Variants in ZNF329 observed in about 807,000 individuals in gnomAD.
The protein encoded by ZNF329 is zinc finger protein 329.
Under a neutral mutation model 26.6 loss-of-function variants are expected in ZNF329, and 15 were observed. The observed-to-expected ratio is 0.56, with a 90% confidence interval of 0.38 to 0.87. The LOEUF (loss-of-function observed/expected upper bound fraction) is 0.87. ZNF329 is among the 40% of genes least tolerant of loss of function. The pLI is 0.00. For synonymous variants in ZNF329, 239 were observed against 233.5 expected, an observed-to-expected ratio of 1.02 and a Z score of -0.21; for missense variants, 651 against 651.9, an observed-to-expected ratio of 1.00 and a Z score of 0.02.
intron 1 of ZNF329, among the ~76,000 whole-genome samples, chr19:58,144,003 C>T (rs890750935): frequency 4.0e-5 from 6 of 151,700 alleles, no homozygotes; most frequent in African/African-American, 1.5e-4. Context: ...ATTGCTGGAA[C>T]CCGGGAGGCA....
At chr19:58,149,433 T>C (rs1185964233) in intron 1 of ZNF329, among the ~76,000 whole-genome samples, 1 of 152,180 alleles carries the variant, frequency 6.6e-6, no homozygotes, top group Non-Finnish European at 1.5e-5. Context: ...CCCTTTCTGG[T>C]AACACCTATG....
upstream of ZNF329, among the ~76,000 whole-genome samples, chr19:58,151,519 T>A (rs1159534755): frequency 6.7e-6 from 1 of 149,206 alleles, no homozygotes; most frequent in African/African-American, 2.5e-5. Context: ...GAGAATCACT[T>A]GAACCTGGGA....
intron 3 of ZNF329, among the ~76,000 whole-genome samples, chr19:58,133,124 T>C (rs2074985685): frequency 6.6e-6 from 1 of 152,186 alleles, no homozygotes. Flanking sequence ...TAGATGGTCT[T>C]AAAGGCCAGC....
At chr19:58,137,522 C>G (rs1462298128) in intron 3 of ZNF329, among the ~76,000 whole-genome samples, 1 of 151,736 alleles carries the variant, frequency 6.6e-6, no homozygotes, top group African/African-American at 2.4e-5. Flanking sequence ...CCACTGCACT[C>G]TAGCCTGGGT....
chr19:58,137,587 ATT>A, intron 3 of ZNF329, among the ~76,000 whole-genome samples: 1 of 151,810 alleles, frequency 6.6e-6, no homozygotes, highest in Non-Finnish European at 1.5e-5. Context: ...AATTATGGAA[ATT>A]AAAAACAAGA....
upstream of ZNF329, among the ~76,000 whole-genome samples, chr19:58,153,271 G>A (rs1423816371): frequency 5.9e-5 from 9 of 152,122 alleles, no homozygotes; most frequent in African/African-American, 1.9e-4. Context: ...CACCACACCC[G>A]GCTAATTTTT....
chr19:58,150,778 C>G lies in ZNF329; in HGVS notation c.-234G>C, dbSNP rs1281072319. On this transcript the variant is annotated 5_prime_UTR_variant, in exon 1 of 4. Transcript: ENST00000598312. The stretch of plus-strand genomic sequence containing the variant: ...GTTGGCGGCCGGCGGCAGCCATGTT[C>G]CGGGCGATTGCGCTTGCGCGGCTGC... 1.3e-5 allele frequency: 2 copies of G among 152,720 alleles called. No individual in the cohort carries two copies. The highest frequency in any genetic ancestry group is 2.9e-5 in the Non-Finnish European group (2 of 68,074). The allele number at this position is 152,720 out of a possible 1,614,324, so 9.5% of individuals were successfully genotyped here.
rs372051699 is a variant in ZNF329, at chr19:58,128,212, T to C, written c.1292A>G (p.Gln431Arg). 1.0e-4 allele frequency: 163 copies of C among 1,588,478 alleles called. No homozygotes were observed. The highest frequency in any genetic ancestry group is 2.1e-5 in the Non-Finnish European group (25 of 1,168,230). Reference sequence around the variant, plus strand: ...GATATTCCTGAAAAGTTTCTGACACTGGTTGCAGCCATAGGGCTTCTCGCC... The same window carrying C: ...GATATTCCTGAAAAGTTTCTGACACCGGTTGCAGCCATAGGGCTTCTCGCC... ...HTGEKPYGCN[Q>R]CQKLFRNIAG... Residue 431 changes from glutamine to arginine, a missense_variant, in exon 4 of 4, where the codon CAG becomes CGG. By Grantham distance (43) the Gln-to-Arg change is conservative. Coordinates refer to ENST00000598312, the MANE Select transcript of ZNF329 (RefSeq NM_024620.4).
intron 3 of ZNF329, among the ~76,000 whole-genome samples, chr19:58,130,265 G>C (rs944647631): frequency 2.6e-5 from 4 of 151,998 alleles, no homozygotes; most frequent in African/African-American, 9.7e-5. Flanking sequence ...AGAGGTTGCA[G>C]TGAGCTGAGA....
chr19:58,140,623 G>C (rs893223437), intron 3 of ZNF329, among the ~76,000 whole-genome samples: 4 of 151,834 alleles, frequency 2.6e-5, no homozygotes, highest in Non-Finnish European at 5.9e-5. Context: ...CACCATGTTG[G>C]CCAGGATGGT....
rs956480923 is a variant in ZNF329, at chr19:58,141,114, G to A, written c.-9+1443C>T. Among the ~76,000 whole-genome samples the A allele has an allele frequency of 7.0e-4, 106 of 151,274 alleles. 2 individuals are homozygous for A. Among genetic ancestry groups the A allele is most frequent in the African/African-American group, 2.5e-3 (102 of 41,196 alleles). On this transcript the variant is annotated intron_variant, in intron 3 of 3. Transcript: ENST00000598312. ...CAAGGGATCTGCATGTCTCAGCCTC[G>A]CAAAGTGCTGGGATTACAGACGTGA...
chr19:58,147,298 G>A (rs1382454716), intron 1 of ZNF329, among the ~76,000 whole-genome samples: 2 of 150,620 alleles, frequency 1.3e-5, no homozygotes, highest in East Asian at 2.0e-4. Context: ...TGAGAAGTGA[G>A]GAGCCCCTCC....
At chr19:58,138,363 A>G (rs1446580729) in intron 3 of ZNF329, among the ~76,000 whole-genome samples, 1 of 152,230 alleles carries the variant, frequency 6.6e-6, no homozygotes, top group Admixed American at 6.5e-5. Context: ...TAATGTGAAC[A>G]TCACACCTTA....
At chr19:58,145,860 A>G (rs569252263) in intron 1 of ZNF329, among the ~76,000 whole-genome samples, 4 of 152,112 alleles carry the variant, frequency 2.6e-5, no homozygotes, top group Non-Finnish European at 4.4e-5. Flanking sequence ...GACACGACAC[A>G]CCAAGAAGAA....
chr19:58,145,904 C>A (rs75576353), intron 1 of ZNF329, among the ~76,000 whole-genome samples: 2 of 148,994 alleles, frequency 1.3e-5, no homozygotes, highest in African/African-American at 5.0e-5. Flanking sequence ...CTGCCAAAGA[C>A]GAGAGTCTGA....
chr19:58,135,396 G>A (rs1024056587), intron 3 of ZNF329, among the ~76,000 whole-genome samples: 5 of 151,906 alleles, frequency 3.3e-5, no homozygotes, highest in South Asian at 2.1e-4. Flanking sequence ...TCAGCCTCCC[G>A]AGATGGGATT....
At chr19:58,141,054 C>A (rs1017380050) in intron 3 of ZNF329, among the ~76,000 whole-genome samples, 1 of 151,932 alleles carries the variant, frequency 6.6e-6, no homozygotes, top group Admixed American at 6.6e-5. Context: ...CAGGGTTTCA[C>A]CATGTTGGCC....
At position 58,128,584 on chromosome 19, in the gene ZNF329, C is replaced by A; in HGVS notation, c.920G>T (p.Arg307Ile). Residue 307 changes from arginine (R) to isoleucine (I), a missense_variant, in exon 4 of 4, where the codon AGA (arginine) becomes ATA (isoleucine). Arg to Ile is a moderately conservative substitution (Grantham distance 97). Coordinates refer to ENST00000598312, the MANE Select transcript of ZNF329 (RefSeq NM_024620.4). ...ATATGGTTTTTCCCCTGTATGAGTTCTTTGGTGCAAAATTAAGGATGAATT... is the reference window on the plus strand; with the variant it reads ...ATATGGTTTTTCCCCTGTATGAGTTATTTGGTGCAAAATTAAGGATGAATT... ...NRNSSLILHQ[R>I]THTGEKPYRC... 2 of 1,613,376 alleles carry A rather than the reference C, an allele frequency of 1.2e-6. No homozygotes were observed. Among genetic ancestry groups the A allele is most frequent in the East Asian group, 2.2e-5 (1 of 44,864 alleles).
upstream of ZNF329, among the ~76,000 whole-genome samples, chr19:58,152,812 G>A (rs972244764): frequency 3.9e-4 from 60 of 151,990 alleles, no homozygotes; most frequent in Non-Finnish European, 3.1e-4. Flanking sequence ...AGCTGAGATC[G>A]TGCCACTGCA....
Sources: gnomAD v4.1 joint callset for allele counts (sites outside exome capture counted in the v4.1 genomes callset) on GRCh38, gnomAD v4.1.1 for gene constraint, MANE v1.5 for transcripts, NCBI Gene and HGNC (gene_info 2026-07-23, HGNC 2026-07-21) for gene names.